Variants in DZANK1 observed in about 807,000 individuals in gnomAD.
DZANK1 encodes double zinc ribbon and ankyrin repeat domains 1, also known as double zinc ribbon and ankyrin repeat-containing protein 1.
DZANK1 carries 91 observed loss-of-function variants against 94.5 expected under a neutral mutation model. That is an observed-to-expected ratio of 0.96 (90% CI 0.81 to 1.15). The LOEUF (loss-of-function observed/expected upper bound fraction) is 1.15. Ranked by LOEUF, DZANK1 falls within the 50% of genes most tolerant of loss-of-function variation. The pLI is 0.00. For synonymous variants in DZANK1, 312 were observed against 325.3 expected (o/e 0.96, Z 0.44); for missense variants, 903 against 916.4 (o/e 0.99, Z 0.19).
At chr20:18,419,814 T>C (rs1266885265) in intron 10 of DZANK1, among the ~76,000 whole-genome samples, 1 of 147,478 alleles carries the variant, frequency 6.8e-6, no homozygotes, top group South Asian at 2.1e-4. Flanking sequence ...AGGGATATGA[T>C]ACCAGACAGA....
At chr20:18,433,541 C>G in intron 9 of DZANK1, 111 bp downstream of exon 9, 1 of 770,458 alleles carries the variant, frequency 1.3e-6, no homozygotes, top group Non-Finnish European at 2.0e-6. Flanking sequence ...GATTCTGTCT[C>G]AAAAAAAAAA....
In DZANK1 at chr20:18,396,561, G is replaced by A. The variant is rs2148256516; in HGVS notation, c.1537-15C>T. On this transcript the variant is annotated splice_polypyrimidine_tract_variant and intron_variant, in intron 14 of 20. Transcript: ENST00000262547. The stretch of plus-strand genomic sequence containing the variant: ...GCAGAGATAAGCTTTTAAAAGAGTT[G>A]TAGAGAGAATTCATAACTGTGGGTG... The A allele has an allele frequency of 6.2e-7, 1 of 1,605,944 alleles. No homozygotes were observed. Among genetic ancestry groups the A allele is most frequent in the Non-Finnish European group, 8.5e-7 (1 of 1,174,088 alleles).
At chr20:18,432,908 G>A (rs1267263879) in intron 9 of DZANK1, 1 of 152,188 alleles carries the variant, frequency 6.6e-6, no homozygotes, top group African/African-American at 2.4e-5. Flanking sequence ...TTTTTTGGAT[G>A]TAAGTGATGA....
At chr20:18,453,349 G>C (rs1225874001) in intron 5 of DZANK1, among the ~76,000 whole-genome samples, 3 of 152,078 alleles carry the variant, frequency 2.0e-5, no homozygotes, top group African/African-American at 7.2e-5. Context: ...GATACCCTGG[G>C]TCCATACCTG....
chr20:18,405,079 C>G (rs544985540), intron 13 of DZANK1, among the ~76,000 whole-genome samples: 14 of 151,684 alleles, frequency 9.2e-5, no homozygotes, highest in Admixed American at 7.9e-4. Flanking sequence ...ACCTTTAGTC[C>G]CAGTTGCTTG....
At chr20:18,420,716 T>C (rs2148503910) in intron 10 of DZANK1, 1 of 178,786 alleles carries the variant, frequency 5.6e-6, no homozygotes, top group Admixed American at 5.7e-5. Flanking sequence ...TGGCATCCTC[T>C]TGGCTTTGAG....
In DZANK1 at chr20:18,427,175, T is replaced by C; in HGVS notation, c.862-16A>G. 1 of 1,598,090 alleles carries C rather than the reference T, an allele frequency of 6.3e-7. No homozygotes were observed. The highest frequency in any genetic ancestry group is 8.6e-7 in the Non-Finnish European group (1 of 1,167,046). Reference sequence around the variant, plus strand: ...TTACCTTCTCCTTAACAACAAAAAATAAGACATACATGTTCCTCTGAGCAA... The same window carrying C: ...TTACCTTCTCCTTAACAACAAAAAACAAGACATACATGTTCCTCTGAGCAA... On this transcript the variant is annotated splice_polypyrimidine_tract_variant and intron_variant, in intron 9 of 20. Coordinates refer to ENST00000262547, the Ensembl canonical transcript of DZANK1.
rs775395623 is a variant in DZANK1, at chr20:18,455,383, G to C, written c.264-22C>G. On this transcript the variant is annotated intron_variant, in intron 3 of 20. Coordinates refer to ENST00000262547, the Ensembl canonical transcript of DZANK1. ...GTCTCTGAAAATTATTATTAAGAAA[G>C]GAAAAAGTCTGTGTTACACAAAGAT... is the stretch of plus-strand genomic sequence containing the variant. The C allele has an allele frequency of 3.3e-6, 5 of 1,533,522 alleles. No homozygotes were observed. The African/African-American group carries it at 5.5e-5, about 17-fold the overall frequency. 95.0% of individuals were successfully genotyped at this position (1,533,522 alleles called of 1,614,324 possible).
chr20:18,388,210 G>T (rs987493966), intron 19 of DZANK1, among the ~76,000 whole-genome samples: 13 of 152,210 alleles, frequency 8.5e-5, no homozygotes, highest in Admixed American at 4.6e-4. Flanking sequence ...AACCATGTGA[G>T]CTACATACTG....
chr20:18,423,393 A>G (rs980556278), intron 10 of DZANK1, among the ~76,000 whole-genome samples: 2 of 152,178 alleles, frequency 1.3e-5, no homozygotes, highest in African/African-American at 4.8e-5. Flanking sequence ...CTATAGTTGG[A>G]GCTTTCCAAT....
At chr20:18,423,408 C>T (rs568528516) in intron 10 of DZANK1, among the ~76,000 whole-genome samples, 18 of 152,172 alleles carry the variant, frequency 1.2e-4, no homozygotes, top group African/African-American at 4.1e-4. Context: ...TCCAATACCC[C>T]GTTTTCATTA....
intron 10 of DZANK1, among the ~76,000 whole-genome samples, chr20:18,418,325 G>C (rs1173698208): frequency 6.6e-6 from 1 of 152,140 alleles, no homozygotes; most frequent in East Asian, 1.9e-4. Flanking sequence ...CTGCTGAAGA[G>C]GCAGGGAGCT....
intron 6 of DZANK1, among the ~76,000 whole-genome samples, chr20:18,450,829 T>C (rs1051841709): frequency 1.1e-4 from 16 of 152,216 alleles, no homozygotes; most frequent in Admixed American, 4.6e-4. Context: ...AAAGTCCAAA[T>C]TGGATTTTAT....
chr20:18,393,151 T>C (rs956513836), intron 17 of DZANK1, among the ~76,000 whole-genome samples: 1 of 152,002 alleles, frequency 6.6e-6, no homozygotes, highest in Non-Finnish European at 1.5e-5. Flanking sequence ...GGGGAGGGTG[T>C]AGAGGGAAAG....
chr20:18,412,838 G>T (rs1374476833), intron 12 of DZANK1: 7 of 1,613,792 alleles, frequency 4.3e-6, no homozygotes, highest in Non-Finnish European at 5.9e-6. Context: ...TTCAGGGACT[G>T]CCAGGCACAT....
At chr20:18,454,294 G>A in intron 4 of DZANK1, 1 of 325,828 alleles carries the variant, frequency 3.1e-6, no homozygotes, top group Non-Finnish European at 6.0e-6. Flanking sequence ...GACATATGTT[G>A]GCTTAGCCCC....
chr20:18,465,501 C>T, intron 1 of DZANK1, 124 bp from the exon 2 acceptor site: 1 of 367,424 alleles, frequency 2.7e-6, no homozygotes, highest in Non-Finnish European at 4.8e-6. Flanking sequence ...AAATATTATT[C>T]CCTTTTTAAT....
At chr20:18,434,307 G>A (rs183036055) in intron 8 of DZANK1, among the ~76,000 whole-genome samples, 1 of 152,174 alleles carries the variant, frequency 6.6e-6, no homozygotes, top group African/African-American at 2.4e-5. Flanking sequence ...CACTTTGGGA[G>A]GCCGAGGTGG....
At chr20:18,457,967 C>T (rs1472233468) in intron 3 of DZANK1, among the ~76,000 whole-genome samples, 3 of 152,204 alleles carry the variant, frequency 2.0e-5, no homozygotes, top group African/African-American at 7.2e-5. Context: ...CCTCCTCATA[C>T]GCATTGAAAG....
Sources: allele counts gnomAD v4.1 joint callset (sites outside exome capture counted in the v4.1 genomes callset), GRCh38; gene constraint gnomAD v4.1.1; transcripts MANE v1.5; gene names NCBI Gene and HGNC (gene_info 2026-07-23, HGNC 2026-07-21).